The following SPEF2 variants were observed in gnomAD, a reference collection of about 807,000 sequenced individuals.
SPEF2 encodes sperm flagellar and cilia associated 2.
In SPEF2, 187 loss-of-function variants were observed where a neutral mutation model predicts 224.6. The observed-to-expected ratio is 0.83, with a 90% CI of 0.74 to 0.94. SPEF2 has a LOEUF of 0.94. SPEF2 is among the 40% of genes least tolerant of loss of function. SPEF2 has a pLI of 0.00. For missense variants in SPEF2, 2,170 were observed against 2,135.6 expected (o/e 1.02, Z -0.32); for synonymous variants, 715 against 707.3 (o/e 1.01, Z -0.17).
At chr5:35,640,486 C>A (rs1746475036) in intron 2 of SPEF2, among the ~76,000 whole-genome samples, 1 of 152,108 alleles carries the variant, frequency 6.6e-6, no homozygotes, top group African/African-American at 2.4e-5. Flanking sequence ...ACATGGTCTG[C>A]TTTACCTGAG....
intron 26 of SPEF2, among the ~76,000 whole-genome samples, chr5:35,768,274 C>T (rs1049468514): frequency 2.0e-5 from 3 of 151,932 alleles, no homozygotes; most frequent in Non-Finnish European, 4.4e-5. Context: ...ACAACAAGTA[C>T]CAAGCACCAG....
At chr5:35,751,096 C>CACACGT (rs1554048857) in intron 23 of SPEF2, among the ~76,000 whole-genome samples, 1 of 30,626 alleles carries the variant, frequency 3.3e-5, no homozygotes, top group African/African-American at 1.1e-4. Flanking sequence ...CACACACACA[C>CACACGT]ATATATATAT....
intron 23 of SPEF2, among the ~76,000 whole-genome samples, chr5:35,742,789 A>G (rs534285133): frequency 2.0e-5 from 3 of 152,028 alleles, no homozygotes; most frequent in African/African-American, 7.2e-5. Flanking sequence ...TATAGTATAT[A>G]TATATTCCCA....
intron 30 of SPEF2, among the ~76,000 whole-genome samples, chr5:35,784,420 G>A (rs1237045203): frequency 6.6e-6 from 1 of 152,122 alleles, no homozygotes; most frequent in Non-Finnish European, 1.5e-5. Context: ...GAGCCACCGC[G>A]CCCGGGCGAG....
intron 27 of SPEF2, among the ~76,000 whole-genome samples, chr5:35,772,631 G>A (rs1034590512): frequency 6.6e-6 from 1 of 152,154 alleles, no homozygotes; most frequent in South Asian, 2.1e-4. Flanking sequence ...GGAGGAAGGA[G>A]TGGGTCAGTG....
rs1751024426 is a variant in SPEF2, at chr5:35,670,055, A to G, written c.1356-4A>G. ...TTCATCTCTACCTTTTTTTTGTGCGATAGTCTGATTCCGTATAAGTTGATG... is the reference window on the plus strand; with the variant it reads ...TTCATCTCTACCTTTTTTTTGTGCGGTAGTCTGATTCCGTATAAGTTGATG... On this transcript the variant is annotated splice_region_variant and splice_polypyrimidine_tract_variant and intron_variant, in intron 9 of 36. Coordinates refer to ENST00000356031, the MANE Select transcript of SPEF2 (RefSeq NM_024867.4). The G allele has an allele frequency of 6.3e-7, 1 of 1,583,456 alleles. No homozygotes were observed. Among genetic ancestry groups the G allele is most frequent in the Non-Finnish European group, 8.5e-7 (1 of 1,169,942 alleles).
intron 15 of SPEF2, chr5:35,700,259 T>C (rs1391695757): frequency 3.8e-6 from 2 of 531,446 alleles, no homozygotes; most frequent in Non-Finnish European, 6.7e-6. Context: ...CAGTTAATTT[T>C]AATGTGTTAA....
Position 35,691,221 on chromosome 5 carries a change from G to C in SPEF2, c.1709G>C (p.Ser570Thr), listed in dbSNP as rs1037126629. 6.2e-7 allele frequency: 1 copy of C among 1,613,960 alleles called. No homozygotes were observed. Among genetic ancestry groups the C allele is most frequent in the Admixed American group, 1.7e-5 (1 of 60,014 alleles). Residue 570 changes from serine (S) to threonine (T), a missense_variant, in exon 11 of 37, where the codon AGT becomes ACT. Coordinates refer to ENST00000356031, the MANE Select transcript of SPEF2 (RefSeq NM_024867.4). ...VKGCLLGKTL[S>T]GKTTILRSLQ... ...GGATGCTTATTGGGGAAAACATTAA[G>C]TGGAAAAACTACCATTTTAAGGTCT...
intron 10 of SPEF2, among the ~76,000 whole-genome samples, chr5:35,673,880 A>C (rs1162308923): frequency 1.3e-5 from 2 of 152,276 alleles, no homozygotes; most frequent in East Asian, 3.9e-4. Context: ...ATGTATGGAC[A>C]CCTATCCCCC....
At position 35,630,231 on chromosome 5, in the gene SPEF2, C is replaced by T. The variant is rs188121628; in HGVS notation, c.161+1669C>T. Among the ~76,000 whole-genome samples, 728 of 152,212 alleles carry T rather than the reference C, an allele frequency of 4.8e-3. 5 individuals are homozygous for T. Among genetic ancestry groups the T allele is most frequent in the Non-Finnish European group, 6.5e-3 (440 of 68,012 alleles). ...TTTCCAGGTGCATGGTGCAAGCTGT[C>T]GGTGGATCTACCATTCTGGTTTCTG... On this transcript the variant is annotated intron_variant, in intron 2 of 36. Transcript: ENST00000356031.
chr5:35,664,372 G>C (rs1561157775), intron 8 of SPEF2, among the ~76,000 whole-genome samples: 1 of 151,510 alleles, frequency 6.6e-6, no homozygotes, highest in East Asian at 1.9e-4. Flanking sequence ...AAAGAAGGAA[G>C]GAAGGAAGGA....
Position 35,771,792 on chromosome 5 carries a change from C to T in SPEF2, c.3949+36C>T, listed in dbSNP as rs758934209. 1.9e-5 allele frequency: 29 copies of T among 1,562,068 alleles called. No homozygotes were observed. The East Asian group carries it at 6.3e-4, about 34-fold the overall frequency. On this transcript the variant is annotated intron_variant, in intron 27 of 36. Coordinates refer to ENST00000356031, the MANE Select transcript of SPEF2 (RefSeq NM_024867.4). ...TTTTAGCACTCAGAACCCTGGATGC[C>T]TAAACCTCTCCTTCGTAGAAAACGA...
intron 23 of SPEF2, among the ~76,000 whole-genome samples, chr5:35,751,367 T>C (rs934643744): frequency 7.9e-5 from 12 of 150,994 alleles, no homozygotes; most frequent in Admixed American, 4.6e-4. Flanking sequence ...TGGTGCAGTG[T>C]ATACTGCTCA....
chr5:35,628,676 C>G lies in SPEF2; in HGVS notation c.161+114C>G, dbSNP rs1744620706. ...GCGTGATCATAGCTCACAGCAACCT[C>G]AAACTCCTGGGATAAAGCAATCCTC... On this transcript the variant is annotated intron_variant, in intron 2 of 36. Coordinates refer to ENST00000356031, the MANE Select transcript of SPEF2 (RefSeq NM_024867.4). The G allele has an allele frequency of 8.9e-6, 6 of 676,660 alleles. No individual in the cohort carries two copies. In the South Asian group the frequency reaches 9.8e-5, roughly 11 times the overall value. 41.9% of individuals were successfully genotyped at this position (676,660 alleles called of 1,614,324 possible).
At chr5:35,790,154 C>A in intron 30 of SPEF2, 1 of 702,866 alleles carries the variant, frequency 1.4e-6, no homozygotes, top group Non-Finnish European at 2.6e-6. Context: ...CAGAACATGG[C>A]TTTAGTCAGA....
chr5:35,643,412 G>C, intron 3 of SPEF2: 1 of 451,548 alleles, frequency 2.2e-6, no homozygotes, highest in Non-Finnish European at 4.4e-6. Context: ...GGGTAACATA[G>C]ATTATTCTTT....
chr5:35,769,801 T>C (rs1752542566), intron 26 of SPEF2, among the ~76,000 whole-genome samples: 1 of 152,226 alleles, frequency 6.6e-6, no homozygotes, highest in South Asian at 2.1e-4. Context: ...GTAATAGTCT[T>C]TGAGGGTAGA....
intron 34 of SPEF2, among the ~76,000 whole-genome samples, chr5:35,806,059 T>A (rs568548803): frequency 6.6e-6 from 1 of 152,312 alleles, no homozygotes; most frequent in African/African-American, 2.4e-5. Flanking sequence ...GTTCTGTAAC[T>A]ACTGGGTCAA....
chr5:35,749,126 A>G (rs1445767433), intron 23 of SPEF2, among the ~76,000 whole-genome samples: 1 of 152,210 alleles, frequency 6.6e-6, no homozygotes, highest in Non-Finnish European at 1.5e-5. Flanking sequence ...ATAGATGCAG[A>G]AAAAGCATTT....
Sources: allele counts gnomAD v4.1 joint callset (sites outside exome capture counted in the v4.1 genomes callset), GRCh38; gene constraint gnomAD v4.1.1; transcripts MANE v1.5; gene names NCBI Gene and HGNC (gene_info 2026-07-23, HGNC 2026-07-21).